The following OR2L13 variants were observed in gnomAD, a reference collection of about 807,000 sequenced individuals.
The protein encoded by OR2L13 is olfactory receptor family 2 subfamily L member 13.
In OR2L13, 14 loss-of-function variants were observed where a neutral mutation model predicts 15.3. That is an observed-to-expected ratio of 0.91 (90% confidence interval 0.60 to 1.43). The LOEUF (loss-of-function observed/expected upper bound fraction) is 1.43. Among genes scored for constraint, OR2L13 ranks in the 40% most tolerant of loss-of-function variants. OR2L13 has a pLI of 0.00. For missense variants in OR2L13, 367 were observed against 387.9 expected (o/e 0.95, Z 0.45); for synonymous variants, 152 against 142.9 (o/e 1.06, Z -0.45).
the OR2L13 span, among the ~76,000 whole-genome samples, chr1:247,967,977 G>A: frequency 1.2e-4 from 18 of 146,024 alleles, no homozygotes; most frequent in East Asian, 4.0e-4. Flanking sequence ...TCCTCCTCTC[G>A]TTCTCCTTCT....
the OR2L13 span, among the ~76,000 whole-genome samples, chr1:247,986,449 C>T: frequency 6.6e-6 from 1 of 152,092 alleles, no homozygotes; most frequent in Non-Finnish European, 1.5e-5. Flanking sequence ...TCTGTGGGCT[C>T]TGTTCTGTTC....
At chr1:248,088,571 A>G in the OR2L13 span, among the ~76,000 whole-genome samples, 1 of 152,152 alleles carries the variant, frequency 6.6e-6, no homozygotes, top group Non-Finnish European at 1.5e-5. Flanking sequence ...CATTGATGTC[A>G]TTATTGTAAT....
At chr1:248,021,944 C>T in the OR2L13 span, 14 of 1,607,560 alleles carry the variant, frequency 8.7e-6, no homozygotes, top group African/African-American at 5.4e-5. Flanking sequence ...CGTATGAATG[C>T]CCCATGGAAA....
At chr1:247,975,218 A>G in the OR2L13 span, 360,075 of 399,296 alleles carry the variant, frequency 0.9, 164,982 homozygotes, top group South Asian at 0.98. Flanking sequence ...CTCACATTTC[A>G]TATATGCCCC....
the OR2L13 span, among the ~76,000 whole-genome samples, chr1:248,044,739 C>T: frequency 1.3e-5 from 1 of 79,670 alleles, no homozygotes; most frequent in African/African-American, 1.9e-4. Context: ...GGAAGCGGAG[C>T]TTGCAGTGAG....
the OR2L13 span, among the ~76,000 whole-genome samples, chr1:248,008,937 A>G: frequency 1.3e-5 from 2 of 152,188 alleles, no homozygotes; most frequent in East Asian, 1.9e-4. Flanking sequence ...CTGAATGACT[A>G]TTGGGTAAAT....
the OR2L13 span, among the ~76,000 whole-genome samples, chr1:247,961,157 AAC>A: frequency 6.6e-6 from 1 of 152,196 alleles, no homozygotes. Flanking sequence ...AATTTTCAGA[AAC>A]ACAGAAGAAT....
At chr1:248,057,159 A>G in the OR2L13 span, among the ~76,000 whole-genome samples, 1 of 152,162 alleles carries the variant, frequency 6.6e-6, no homozygotes, top group Non-Finnish European at 1.5e-5. Flanking sequence ...TCAGGTCCAC[A>G]TGATCTAGAG....
the OR2L13 span, among the ~76,000 whole-genome samples, chr1:247,943,112 ACTTT>A: frequency 3.3e-5 from 5 of 152,158 alleles, no homozygotes; most frequent in African/African-American, 1.2e-4. Flanking sequence ...GTAGATGAGC[ACTTT>A]CTTTCTTTCT....
chr1:247,988,460 T>C, the OR2L13 span, among the ~76,000 whole-genome samples: 1 of 152,100 alleles, frequency 6.6e-6, no homozygotes, highest in East Asian at 1.9e-4. Flanking sequence ...TTCCTAAAGA[T>C]AGGAATTCTT....
chr1:248,088,140 G>A, the OR2L13 span, among the ~76,000 whole-genome samples: 487 of 152,098 alleles, frequency 3.2e-3, 2 homozygotes, highest in South Asian at 4.8e-3. Flanking sequence ...TAACTATCAC[G>A]AGGTAGCAGA....
chr1:248,076,157 A>G, the OR2L13 span, among the ~76,000 whole-genome samples: 1 of 152,146 alleles, frequency 6.6e-6, no homozygotes, highest in Non-Finnish European at 1.5e-5. Flanking sequence ...AGATGGTTGT[A>G]GATGTATGGC....
the OR2L13 span, among the ~76,000 whole-genome samples, chr1:248,067,872 C>G: frequency 6.8e-6 from 1 of 146,298 alleles, no homozygotes; most frequent in East Asian, 1.9e-4. Flanking sequence ...GGGTCCCACG[C>G]CCACAGAGTC....
chr1:248,023,663 C>T, the OR2L13 span: 1 of 152,202 alleles, frequency 6.6e-6, no homozygotes, highest in Non-Finnish European at 1.5e-5. Flanking sequence ...CTCCTCTGCT[C>T]CACTATTTTT....
chr1:247,958,486 C>T, the OR2L13 span, among the ~76,000 whole-genome samples: 7 of 152,150 alleles, frequency 4.6e-5, no homozygotes, highest in African/African-American at 9.7e-5. Context: ...AGTTCAATTG[C>T]TGGATATCTT....
chr1:248,016,837 T>C, the OR2L13 span, among the ~76,000 whole-genome samples: 1 of 152,064 alleles, frequency 6.6e-6, no homozygotes, highest in African/African-American at 2.4e-5. Context: ...TTGTGTGTGA[T>C]GTAGAGAAGT....
the OR2L13 span, among the ~76,000 whole-genome samples, chr1:247,951,869 C>T: frequency 2.0e-5 from 3 of 152,226 alleles, no homozygotes; most frequent in Admixed American, 1.3e-4. Context: ...CCTACTGCCA[C>T]CTGCACTGCT....
the OR2L13 span, among the ~76,000 whole-genome samples, chr1:247,968,122 G>A: frequency 4.6e-5 from 7 of 152,000 alleles, no homozygotes; most frequent in East Asian, 1.9e-4. Context: ...TTTATTCATC[G>A]CATAAAGTAA....
the OR2L13 span, among the ~76,000 whole-genome samples, chr1:247,978,971 C>G: frequency 6.6e-6 from 1 of 152,080 alleles, no homozygotes; most frequent in African/African-American, 2.4e-5. Context: ...TCATGTCCCC[C>G]ACATGTGTTT....
Sources: allele counts gnomAD v4.1 joint callset (sites outside exome capture counted in the v4.1 genomes callset), GRCh38; gene constraint gnomAD v4.1.1; transcripts MANE v1.5; gene names NCBI Gene and HGNC (gene_info 2026-07-23, HGNC 2026-07-21).